PCDHA2: variants seen among roughly 807,000 people sequenced by gnomAD.
PCDHA2 encodes the protein protocadherin alpha-2.
In PCDHA2, 58 loss-of-function variants were observed where a neutral mutation model predicts 66.0. The ratio of observed to expected loss-of-function variants is 0.88; its 90% CI spans 0.71 to 1.09. The LOEUF is 1.09. PCDHA2 is among the 50% of genes least tolerant of loss of function. PCDHA2 has a pLI of 0.00. For missense variants in PCDHA2, 1,267 were observed against 1,242.3 expected (o/e 1.02, Z -0.30); for synonymous variants, 634 against 554.0 (o/e 1.14, Z -2.03).
Position 140,851,830 on chromosome 5 carries a change from T to A in PCDHA2, c.2388+54478T>A, listed in dbSNP as rs565233003. The A allele has an allele frequency of 1.6e-4, 153 of 967,896 alleles. 10 individuals carry two copies. In the African/African-American group the frequency reaches 2.0e-3, roughly 13 times the overall value. 60.0% of individuals were successfully genotyped at this position (967,896 alleles called of 1,614,324 possible). On this transcript the variant is annotated intron_variant, in intron 1 of 3. Transcript: ENST00000526136. ...TCCATAAGACAGAAATCTGTTTTTT[T>A]AAAAATATCTTTTTCTCCTCTCAGC...
intron 1 of PCDHA2, among the ~76,000 whole-genome samples, chr5:140,901,260 T>C (rs1554189701): frequency 6.6e-6 from 1 of 152,308 alleles, no homozygotes; most frequent in East Asian, 1.9e-4. Flanking sequence ...CCTGTGATTG[T>C]GGGGTATTAC....
At position 141,011,472 on chromosome 5, in the gene PCDHA2, C is replaced by T. The variant is rs1347341869; in HGVS notation, c.*1535C>T. 40 of 153,652 alleles carry T rather than the reference C, an allele frequency of 2.6e-4. No individual in the cohort carries two copies. The highest frequency in any genetic ancestry group is 9.4e-4 in the African/African-American group (39 of 41,410). 9.5% of individuals were successfully genotyped at this position (153,652 alleles called of 1,614,324 possible). On this transcript the variant is annotated 3_prime_UTR_variant, in exon 4 of 4. Transcript: ENST00000526136. Reference sequence around the variant, plus strand: ...TAAGCTTTATTGTTGAATGTAATTCCATTATATTTCCTTTTGTACACCTGT... The same window carrying T: ...TAAGCTTTATTGTTGAATGTAATTCTATTATATTTCCTTTTGTACACCTGT...
At chr5:140,902,066 T>C (rs2069077660) in intron 1 of PCDHA2, among the ~76,000 whole-genome samples, 1 of 152,202 alleles carries the variant, frequency 6.6e-6, no homozygotes, top group Admixed American at 6.5e-5. Flanking sequence ...GCAACTTTAC[T>C]GAATTTATTG....
At chr5:141,003,095 T>C (rs1245011518) in intron 3 of PCDHA2, among the ~76,000 whole-genome samples, 3 of 152,258 alleles carry the variant, frequency 2.0e-5, no homozygotes, top group African/African-American at 7.2e-5. Flanking sequence ...AGGCCTGGCA[T>C]TTGCTTCACA....
At chr5:140,984,083 A>C (rs2097086103) in intron 3 of PCDHA2, among the ~76,000 whole-genome samples, 1 of 152,226 alleles carries the variant, frequency 6.6e-6, no homozygotes, top group South Asian at 2.1e-4. Context: ...GATGGAGTGA[A>C]GAAATGATGG....
intron 1 of PCDHA2, chr5:140,969,448 G>C (rs781843317): frequency 2.0e-6 from 3 of 1,537,944 alleles, no homozygotes; most frequent in Non-Finnish European, 2.6e-6. Flanking sequence ...CTGGTAAACT[G>C]AGTATATATA....
chr5:140,851,338 A>T (rs554817085), intron 1 of PCDHA2: 3 of 978,674 alleles, frequency 3.1e-6, no homozygotes, highest in East Asian at 9.3e-5. Flanking sequence ...AGTTCTCTAC[A>T]TTTCTCTGGA....
chr5:140,895,631 C>T (rs1227407918), intron 1 of PCDHA2, among the ~76,000 whole-genome samples: 4 of 152,106 alleles, frequency 2.6e-5, no homozygotes, highest in African/African-American at 9.7e-5. Context: ...TGTCTTTTCA[C>T]ATTCTTTTTT....
At chr5:140,813,493 A>C (rs1765313819) in intron 1 of PCDHA2, 1 of 152,192 alleles carries the variant, frequency 6.6e-6, no homozygotes, top group Admixed American at 6.5e-5. Flanking sequence ...AAACATCTAA[A>C]AGGTACAGTA....
At chr5:140,938,476 T>A (rs1393084209) in intron 1 of PCDHA2, among the ~76,000 whole-genome samples, 2 of 152,194 alleles carry the variant, frequency 1.3e-5, no homozygotes, top group African/African-American at 2.4e-5. Context: ...TTATGTTTTT[T>A]AAAAATCATG....
intron 1 of PCDHA2, among the ~76,000 whole-genome samples, chr5:140,886,605 A>C (rs998772471): frequency 2.6e-5 from 4 of 152,108 alleles, no homozygotes; most frequent in Admixed American, 6.5e-5. Flanking sequence ...AGGTGGGCGG[A>C]TCAGGAGATC....
intron 1 of PCDHA2, chr5:140,928,747 C>G (rs781895762): frequency 6.2e-7 from 1 of 1,614,132 alleles, no homozygotes; most frequent in Non-Finnish European, 8.5e-7. Context: ...AGGTGAGCTC[C>G]GTACTGCTCG....
chr5:140,894,096 C>T (rs1487747692), intron 1 of PCDHA2, among the ~76,000 whole-genome samples: 3 of 152,098 alleles, frequency 2.0e-5, no homozygotes, highest in African/African-American at 7.2e-5. Flanking sequence ...TCTTCTAGCT[C>T]CTGGTGTTGC....
chr5:140,880,645 C>A (rs535367313), intron 1 of PCDHA2, among the ~76,000 whole-genome samples: 1 of 152,032 alleles, frequency 6.6e-6, no homozygotes, highest in Admixed American at 6.6e-5. Context: ...CACTTGAGAG[C>A]CCAACTGAGG....
At chr5:140,904,193 T>C (rs1554191351) in intron 1 of PCDHA2, among the ~76,000 whole-genome samples, 2 of 151,930 alleles carry the variant, frequency 1.3e-5, no homozygotes, top group Non-Finnish European at 2.9e-5. Flanking sequence ...TTCCCACCCT[T>C]TCCCCCTAAG....
At chr5:140,840,664 A>T (rs2150308594) in intron 1 of PCDHA2, among the ~76,000 whole-genome samples, 5 of 152,102 alleles carry the variant, frequency 3.3e-5, no homozygotes, top group Admixed American at 1.3e-4. Context: ...ATATGCACAT[A>T]CATTTTTATT....
At chr5:140,843,862 A>C in intron 1 of PCDHA2, 1 of 894,130 alleles carries the variant, frequency 1.1e-6, no homozygotes. Flanking sequence ...TAATTAATTG[A>C]ATTTTCTCAG....
intron 1 of PCDHA2, among the ~76,000 whole-genome samples, chr5:140,974,111 T>C (rs1475006775): frequency 2.0e-5 from 3 of 152,280 alleles, no homozygotes; most frequent in Non-Finnish European, 4.4e-5. Flanking sequence ...AAGTATTCTT[T>C]TGCAGTGTTT....
intron 1 of PCDHA2, among the ~76,000 whole-genome samples, chr5:140,838,064 G>T (rs1775403282): frequency 1.1e-5 from 1 of 88,812 alleles, no homozygotes; most frequent in African/African-American, 5.5e-5. Flanking sequence ...TCCACTTTAA[G>T]TTATATATAT....
Sources: gnomAD v4.1 joint callset for allele counts (sites outside exome capture counted in the v4.1 genomes callset) on GRCh38, gnomAD v4.1.1 for gene constraint, MANE v1.5 for transcripts, NCBI Gene and HGNC (gene_info 2026-07-23, HGNC 2026-07-21) for gene names.